Variants in SLC13A3 observed in about 807,000 individuals in gnomAD.
SLC13A3 encodes the protein solute carrier family 13 member 3, also known as Na(+)/dicarboxylate cotransporter 3.
In SLC13A3, 40 loss-of-function variants were observed where a neutral mutation model predicts 59.0. The ratio of observed to expected loss-of-function variants is 0.68; its 90% CI spans 0.53 to 0.88. The LOEUF is 0.88. Among genes scored for constraint, SLC13A3 ranks in the 40% least tolerant of loss-of-function variants. SLC13A3 has a pLI of 0.00. For synonymous variants in SLC13A3, 317 were observed against 330.3 expected (o/e 0.96, Z 0.44); for missense variants, 699 against 783.2 (o/e 0.89, Z 1.28).
At chr20:46,618,026 A>G (rs1465476044) in intron 1 of SLC13A3, among the ~76,000 whole-genome samples, 1 of 152,168 alleles carries the variant, frequency 6.6e-6, no homozygotes, top group East Asian at 1.9e-4. Context: ...CATACCATAA[A>G]TTAACTCTTG....
In SLC13A3 at chr20:46,595,413, G is replaced by A. The variant is rs532406030; in HGVS notation, c.794+744C>T. On this transcript the variant is annotated intron_variant, in intron 5 of 12. Transcript: ENST00000279027. ...TTTCTTTTATCCTCGTGCCCTGACC[G>A]GCCACCCAGTCACTGCTGACCACTT... Among the ~76,000 whole-genome samples the A allele has an allele frequency of 7.9e-5, 12 of 151,990 alleles. No homozygotes were observed. The East Asian group carries it at 9.7e-4, about 12-fold the overall frequency.
intron 6 of SLC13A3, among the ~76,000 whole-genome samples, chr20:46,590,910 A>C (rs2062247384): frequency 6.6e-6 from 1 of 152,038 alleles, no homozygotes; most frequent in Admixed American, 6.6e-5. Flanking sequence ...TCATGCCTGT[A>C]ATCCCAGCTG....
intron 1 of SLC13A3, among the ~76,000 whole-genome samples, chr20:46,621,288 G>A (rs1431501243): frequency 6.6e-6 from 1 of 151,760 alleles, no homozygotes; most frequent in Non-Finnish European, 1.5e-5. Context: ...GAATCATTAG[G>A]CATCTGTCTT....
At chr20:46,617,160 G>T (rs73313008) in intron 1 of SLC13A3, among the ~76,000 whole-genome samples, 10,545 of 152,298 alleles carry the variant, frequency 0.069, 406 homozygotes, top group Admixed American at 0.096. Context: ...TCTGTTGAAT[G>T]ATGAAAACAT....
chr20:46,622,908 G>A (rs930126473), intron 1 of SLC13A3, among the ~76,000 whole-genome samples: 3 of 151,954 alleles, frequency 2.0e-5, no homozygotes, highest in Admixed American at 2.0e-4. Flanking sequence ...TCAACTATCA[G>A]AAAAAGAAAT....
At position 46,651,384 on chromosome 20, in the gene SLC13A3, C is replaced by T. The variant is rs1222466796; in HGVS notation, c.38G>A (p.Ser13Asn). The T allele has an allele frequency of 1.3e-6, 2 of 1,508,124 alleles. No individual in the cohort carries two copies. Among genetic ancestry groups the T allele is most frequent in the Non-Finnish European group, 1.8e-6 (2 of 1,132,532 alleles). The allele number at this position is 1,508,124 out of a possible 1,614,324, so 93.4% of individuals were successfully genotyped here. A position where few individuals can be genotyped will look rare whatever the true frequency, so the allele number is the denominator to read the frequency against. The change falls in exon 1 of 13, where the codon AGC becomes AAC. Residue 13 changes from serine to asparagine, a missense_variant. Coordinates refer to ENST00000279027, the MANE Select transcript of SLC13A3 (RefSeq NM_022829.6). ...CAGCAGCACCAGCAGCCGCCGCGCGCTCCACACCTTCTTGGCCGCTGCTGC... is the reference window on the plus strand; with the variant it reads ...CAGCAGCACCAGCAGCCGCCGCGCGTTCCACACCTTCTTGGCCGCTGCTGC... Reference protein sequence around the residue: ...ALAAAAKKVWSARRLLVLLFT... With the variant: ...ALAAAAKKVWNARRLLVLLFT...
intron 9 of SLC13A3, among the ~76,000 whole-genome samples, chr20:46,580,596 T>C (rs978045912): frequency 2.0e-5 from 3 of 151,926 alleles, no homozygotes; most frequent in Admixed American, 2.0e-4. Flanking sequence ...AAGCCAGAGG[T>C]GGAAGGCATC....
chr20:46,609,032 A>C, intron 3 of SLC13A3: 1 of 1,550,632 alleles, frequency 6.4e-7, no homozygotes, highest in African/African-American at 1.4e-5. Flanking sequence ...GCCTTTCCTC[A>C]GAGAGGAAAG....
chr20:46,601,191 T>C (rs1192178610), intron 3 of SLC13A3, among the ~76,000 whole-genome samples: 3 of 152,122 alleles, frequency 2.0e-5, no homozygotes, highest in Admixed American at 2.0e-4. Context: ...CTGCAGGATT[T>C]AATGCCCAAG....
intron 1 of SLC13A3, among the ~76,000 whole-genome samples, chr20:46,666,574 G>A (rs576106092): frequency 1.4e-4 from 22 of 152,058 alleles, no homozygotes; most frequent in African/African-American, 5.3e-4. Flanking sequence ...TGTGATCACG[G>A]CTCACTGCAG....
At chr20:46,648,672 A>G (rs748401413) in intron 1 of SLC13A3, among the ~76,000 whole-genome samples, 4 of 152,184 alleles carry the variant, frequency 2.6e-5, no homozygotes, top group Non-Finnish European at 1.5e-5. Context: ...TGCGTAGCCG[A>G]GGCTGGTGGA....
At chr20:46,674,034 G>A (rs1329360378), upstream of SLC13A3, among the ~76,000 whole-genome samples, 4 of 152,180 alleles carry the variant, frequency 2.6e-5, no homozygotes, top group Non-Finnish European at 4.4e-5. Flanking sequence ...TACACAGCAT[G>A]TCACGTGGAA....
chr20:46,654,618 C>T (rs777210663), upstream of SLC13A3, among the ~76,000 whole-genome samples: 2 of 152,192 alleles, frequency 1.3e-5, no homozygotes, highest in Non-Finnish European at 2.9e-5. Context: ...CAACCTCCGC[C>T]TTCCAGGTTC....
chr20:46,583,696 T>C, intron 8 of SLC13A3, 27 bp from the exon 9 acceptor site: 1 of 1,613,626 alleles, frequency 6.2e-7, no homozygotes, highest in Non-Finnish European at 8.5e-7. Flanking sequence ...CCAAATCACG[T>C]GACCATGGGC....
chr20:46,612,913 C>G (rs899527685), intron 2 of SLC13A3, among the ~76,000 whole-genome samples: 1 of 152,196 alleles, frequency 6.6e-6, no homozygotes. Flanking sequence ...TCAACTCCCA[C>G]CTGATCTTCA....
intron 1 of SLC13A3, among the ~76,000 whole-genome samples, chr20:46,629,932 C>A (rs1343831838): frequency 6.6e-6 from 1 of 152,170 alleles, no homozygotes; most frequent in South Asian, 2.1e-4. Context: ...CTTTTTATTT[C>A]TCATGCTCTC....
At chr20:46,571,749 G>A (rs935117639) in intron 10 of SLC13A3, among the ~76,000 whole-genome samples, 2 of 152,098 alleles carry the variant, frequency 1.3e-5, no homozygotes, top group Non-Finnish European at 2.9e-5. Context: ...GAGAGGAAGA[G>A]GGACTGGGGT....
intron 1 of SLC13A3, among the ~76,000 whole-genome samples, chr20:46,625,844 C>A (rs772312357): frequency 6.6e-6 from 1 of 152,178 alleles, no homozygotes; most frequent in Non-Finnish European, 1.5e-5. Flanking sequence ...GTAGCCTATT[C>A]TTTTTTGCTG....
At chr20:46,641,219 T>C (rs2062843542) in intron 1 of SLC13A3, among the ~76,000 whole-genome samples, 1 of 152,160 alleles carries the variant, frequency 6.6e-6, no homozygotes, top group African/African-American at 2.4e-5. Context: ...AGTCTGGGGT[T>C]TTAGACCCCG....
Sources: allele counts gnomAD v4.1 joint callset (sites outside exome capture counted in the v4.1 genomes callset), GRCh38; gene constraint gnomAD v4.1.1; transcripts MANE v1.5; gene names NCBI Gene and HGNC (gene_info 2026-07-23, HGNC 2026-07-21).